The following RABGAP1 variants were observed in gnomAD, a reference collection of about 807,000 sequenced individuals.
The protein encoded by RABGAP1 is rab GTPase-activating protein 1.
A neutral mutation model predicts 137.6 loss-of-function variants in RABGAP1; 23 were observed. That is an observed-to-expected ratio of 0.17 (90% CI 0.12 to 0.24). The LOEUF (loss-of-function observed/expected upper bound fraction) is 0.24, where lower values mean the gene tolerates loss of function less well. Among genes scored for constraint, RABGAP1 ranks in the 10% least tolerant of loss-of-function variants. The pLI is 1.00. For synonymous variants in RABGAP1, 451 were observed against 450.7 expected, an observed-to-expected ratio of 1.00 and a Z score of -0.01; for missense variants, 906 against 1,275.8, an observed-to-expected ratio of 0.71 and a Z score of 4.42.
At chr9:123,010,008 G>T (rs1471916706) in intron 10 of RABGAP1, among the ~76,000 whole-genome samples, 1 of 152,174 alleles carries the variant, frequency 6.6e-6, no homozygotes, top group African/African-American at 2.4e-5. Context: ...GGGAGATACA[G>T]AACTGTTAGC....
chr9:122,947,830 A>G (rs1188062397), intron 1 of RABGAP1, among the ~76,000 whole-genome samples: 1 of 152,210 alleles, frequency 6.6e-6, no homozygotes, highest in Non-Finnish European at 1.5e-5. Flanking sequence ...TCACTAAAAT[A>G]ATTCAAAGAA....
At position 122,945,827 on chromosome 9, in the gene RABGAP1, A is replaced by G. The variant is rs948277046; in HGVS notation, c.-50+4734A>G. Among the ~76,000 whole-genome samples the G allele has an allele frequency of 2.6e-5, 4 of 152,308 alleles. No homozygotes were observed. In the East Asian group the frequency reaches 5.8e-4, roughly 22 times the overall value. On this transcript the variant is annotated intron_variant, in intron 1 of 25. Coordinates refer to ENST00000373647, the MANE Select transcript of RABGAP1 (RefSeq NM_012197.4). ...GTTACTAAGTCAAACTTTAACAACA[A>G]TTTGACTGTTTTAAAACTTTCTCCC...
At chr9:123,054,653 A>G (rs1314478922) in intron 13 of RABGAP1, among the ~76,000 whole-genome samples, 1 of 152,182 alleles carries the variant, frequency 6.6e-6, no homozygotes, top group Non-Finnish European at 1.5e-5. Flanking sequence ...TTTCTGCTCC[A>G]GGATTCCCTC....
At chr9:123,037,702 T>C (rs2032734596) in intron 13 of RABGAP1, among the ~76,000 whole-genome samples, 1 of 152,200 alleles carries the variant, frequency 6.6e-6, no homozygotes, top group Non-Finnish European at 1.5e-5. Flanking sequence ...TGATATTAAA[T>C]CAGCAGGTTT....
At chr9:122,956,054 G>A (rs1212184963) in intron 1 of RABGAP1, among the ~76,000 whole-genome samples, 1 of 152,186 alleles carries the variant, frequency 6.6e-6, no homozygotes, top group South Asian at 2.1e-4. Context: ...ATAATTGAAT[G>A]AATTTTCATA....
chr9:123,059,901 A>G (rs374334125), intron 13 of RABGAP1, among the ~76,000 whole-genome samples: 4 of 152,240 alleles, frequency 2.6e-5, no homozygotes, highest in East Asian at 3.8e-4. Context: ...GACTAAGACA[A>G]TCATTTAGGC....
chr9:122,992,226 A>G (rs1219205991), intron 6 of RABGAP1, among the ~76,000 whole-genome samples: 1 of 152,024 alleles, frequency 6.6e-6, no homozygotes, highest in Non-Finnish European at 1.5e-5. Flanking sequence ...TTCAGTAGAG[A>G]CAGGGTTTCG....
At chr9:122,973,776 G>T (rs1400243326) in intron 2 of RABGAP1, among the ~76,000 whole-genome samples, 3 of 151,818 alleles carry the variant, frequency 2.0e-5, no homozygotes, top group Non-Finnish European at 4.4e-5. Flanking sequence ...TTGGGAGGCC[G>T]AGGCGGGCAG....
intron 2 of RABGAP1, among the ~76,000 whole-genome samples, chr9:122,976,595 A>C (rs1044435028): frequency 6.6e-6 from 1 of 152,240 alleles, no homozygotes; most frequent in Non-Finnish European, 1.5e-5. Context: ...AGTAGGATAA[A>C]ATCATACTGC....
At chr9:123,019,791 G>C (rs1037113136) in intron 12 of RABGAP1, among the ~76,000 whole-genome samples, 2 of 152,152 alleles carry the variant, frequency 1.3e-5, no homozygotes, top group African/African-American at 4.8e-5. Context: ...CCTGGTTCAA[G>C]CAGTTCTTCT....
At chr9:123,060,261 C>G (rs2033916414) in intron 13 of RABGAP1, among the ~76,000 whole-genome samples, 1 of 152,192 alleles carries the variant, frequency 6.6e-6, no homozygotes, top group African/African-American at 2.4e-5. Context: ...TCTGTCATCT[C>G]AGAAAGTTCC....
At chr9:123,049,347 A>G (rs1805048040) in intron 13 of RABGAP1, among the ~76,000 whole-genome samples, 1 of 152,092 alleles carries the variant, frequency 6.6e-6, no homozygotes, top group Non-Finnish European at 1.5e-5. Context: ...TGGAGGGGAA[A>G]AGAGTAAAGG....
intron 4 of RABGAP1, 26 bp from the exon 5 acceptor site, chr9:122,989,269 ATC>A (rs1235203335): frequency 6.3e-7 from 1 of 1,579,794 alleles, no homozygotes; most frequent in Non-Finnish European, 8.7e-7. Flanking sequence ...AATTCCTGTA[ATC>A]TCTCTGTATC....
At chr9:123,026,082 C>T (rs377178504) in intron 13 of RABGAP1, among the ~76,000 whole-genome samples, 14 of 142,640 alleles carry the variant, frequency 9.8e-5, no homozygotes, top group African/African-American at 3.4e-4. Flanking sequence ...CCAGCACTTT[C>T]GAAGACCGAG....
intron 2 of RABGAP1, among the ~76,000 whole-genome samples, chr9:122,975,641 A>G (rs1235748751): frequency 6.6e-6 from 1 of 152,202 alleles, no homozygotes; most frequent in Non-Finnish European, 1.5e-5. Flanking sequence ...TAATAGGTGG[A>G]TCAGAGTTTC....
At chr9:122,992,796 A>G (rs1423201661) in intron 6 of RABGAP1, among the ~76,000 whole-genome samples, 3 of 149,002 alleles carry the variant, frequency 2.0e-5, no homozygotes, top group Non-Finnish European at 4.4e-5. Context: ...TATTATACCT[A>G]AATATTTATT....
At chr9:122,989,986 T>C in intron 5 of RABGAP1, 70 bp from the exon 6 acceptor site, 1 of 1,409,164 alleles carries the variant, frequency 7.1e-7, no homozygotes, top group Non-Finnish European at 9.6e-7. Flanking sequence ...AAGTAGGTAA[T>C]CTTCCAGCCT....
intron 13 of RABGAP1, among the ~76,000 whole-genome samples, chr9:123,031,004 T>G (rs2032269402): frequency 6.6e-6 from 1 of 152,166 alleles, no homozygotes; most frequent in African/African-American, 2.4e-5. Context: ...CCTAGAGTGG[T>G]TTCACTAAAA....
chr9:123,010,675 G>A, intron 11 of RABGAP1, 147 bp downstream of exon 11: 1 of 762,318 alleles, frequency 1.3e-6, no homozygotes, highest in Non-Finnish European at 2.0e-6. Flanking sequence ...GTAAGTAGCT[G>A]TGGGAGATTT....
Sources: gnomAD v4.1 joint callset for allele counts (sites outside exome capture counted in the v4.1 genomes callset) on GRCh38, gnomAD v4.1.1 for gene constraint, MANE v1.5 for transcripts, NCBI Gene and HGNC (gene_info 2026-07-23, HGNC 2026-07-21) for gene names.